Variants in RNF150 observed in about 807,000 individuals in gnomAD.
RNF150 encodes the protein ring finger protein 150.
A neutral mutation model predicts 39.3 loss-of-function variants in RNF150; 24 were observed. The ratio of observed to expected loss-of-function variants is 0.61; its 90% confidence interval spans 0.44 to 0.86. The LOEUF (loss-of-function observed/expected upper bound fraction) is 0.86, where lower values mean the gene tolerates loss of function less well. Among genes scored for constraint, RNF150 ranks in the 40% least tolerant of loss-of-function variants. The pLI is 0.00. For missense variants in RNF150, 502 were observed against 587.8 expected (o/e 0.85, Z 1.51); for synonymous variants, 255 against 227.3 (o/e 1.12, Z -1.10).
At chr4:141,050,121 AAG>A (rs1401806648) in intron 1 of RNF150, among the ~76,000 whole-genome samples, 1 of 152,090 alleles carries the variant, frequency 6.6e-6, no homozygotes, top group African/African-American at 2.4e-5. Context: ...AAGTATATAT[AAG>A]TATATGTACA....
chr4:140,965,807 T>C (rs896307400), intron 2 of RNF150, among the ~76,000 whole-genome samples: 27 of 152,156 alleles, frequency 1.8e-4, no homozygotes, highest in Non-Finnish European at 2.9e-4. Context: ...AGTAGCAGAA[T>C]GTATCATGAG....
chr4:141,018,989 T>C (rs1578637427), intron 1 of RNF150, among the ~76,000 whole-genome samples: 4 of 149,422 alleles, frequency 2.7e-5, no homozygotes, highest in Non-Finnish European at 4.4e-5. Flanking sequence ...TATTAATCTA[T>C]AGAGTTACAG....
intron 1 of RNF150, among the ~76,000 whole-genome samples, chr4:141,175,708 G>C (rs536063114): frequency 1.1e-4 from 16 of 152,166 alleles, no homozygotes; most frequent in African/African-American, 3.9e-4. Context: ...CTATAACTGC[G>C]TAGCTTATAA....
chr4:141,170,344 T>G (rs1447335411), intron 1 of RNF150, among the ~76,000 whole-genome samples: 2 of 152,196 alleles, frequency 1.3e-5, no homozygotes, highest in African/African-American at 2.4e-5. Flanking sequence ...TTGGGGCACC[T>G]GTAGATGATT....
At chr4:140,988,167 G>C (rs1204196905) in intron 1 of RNF150, among the ~76,000 whole-genome samples, 2 of 152,172 alleles carry the variant, frequency 1.3e-5, no homozygotes, top group Non-Finnish European at 1.5e-5. Flanking sequence ...GTGTAAATTA[G>C]TTCAGCCACT....
chr4:140,906,808 G>A (rs1730394545), intron 6 of RNF150, among the ~76,000 whole-genome samples: 2 of 152,166 alleles, frequency 1.3e-5, no homozygotes, highest in Non-Finnish European at 2.9e-5. Flanking sequence ...CATGGGCCAA[G>A]AGTTGGTTCC....
chr4:141,185,104 A>G (rs1023396237), intron 1 of RNF150, among the ~76,000 whole-genome samples: 1 of 152,040 alleles, frequency 6.6e-6, no homozygotes, highest in Non-Finnish European at 1.5e-5. Context: ...CATTGAATCT[A>G]TAAATTACTT....
chr4:140,977,583 C>T (rs1426825802), intron 1 of RNF150, among the ~76,000 whole-genome samples: 1 of 152,120 alleles, frequency 6.6e-6, no homozygotes, highest in Non-Finnish European at 1.5e-5. Flanking sequence ...TTTGAATTTT[C>T]TGCACTTTAC....
chr4:140,913,545 C>A (rs938756967), intron 5 of RNF150, among the ~76,000 whole-genome samples: 5 of 152,184 alleles, frequency 3.3e-5, no homozygotes, highest in Non-Finnish European at 7.4e-5. Context: ...AATTCCTAAT[C>A]ACCCTTTAAT....
chr4:140,897,410 C>T (rs1730005754), intron 6 of RNF150, among the ~76,000 whole-genome samples: 1 of 152,060 alleles, frequency 6.6e-6, no homozygotes, highest in Admixed American at 6.6e-5. Flanking sequence ...CTCTGCCTAC[C>T]CCTAGAAACT....
chr4:140,919,265 A>G (rs1291313573), intron 5 of RNF150, among the ~76,000 whole-genome samples: 22 of 144,712 alleles, frequency 1.5e-4, no homozygotes, highest in African/African-American at 5.4e-4. Flanking sequence ...TGCAGATGAC[A>G]TGATTGTATA....
intron 1 of RNF150, among the ~76,000 whole-genome samples, chr4:141,171,722 A>G (rs1305141833): frequency 1.3e-5 from 2 of 152,258 alleles, no homozygotes; most frequent in Non-Finnish European, 2.9e-5. Flanking sequence ...ATGTACATAT[A>G]GCACAACTGA....
At chr4:140,997,235 A>G (rs1216718591) in intron 1 of RNF150, among the ~76,000 whole-genome samples, 1 of 152,226 alleles carries the variant, frequency 6.6e-6, no homozygotes, top group Non-Finnish European at 1.5e-5. Context: ...TAATCTAGAA[A>G]TAATAATCTA....
chr4:140,865,609 CTT>C lies in RNF150; in HGVS notation c.*2650_*2651del, dbSNP rs1482585740. 2 of 137,594 alleles carry C rather than the reference CTT, an allele frequency of 1.5e-5. No individual in the cohort carries two copies. Among genetic ancestry groups the C allele is most frequent in the African/African-American group, 5.4e-5 (2 of 36,740 alleles). 8.5% of individuals were successfully genotyped at this position (137,594 alleles called of 1,614,324 possible). A position where few individuals can be genotyped will look rare whatever the true frequency, so the allele number is the denominator to read the frequency against. On this transcript the variant is annotated 3_prime_UTR_variant, in exon 7 of 7. Transcript: ENST00000515673. ...TACAGGAAAATCCTCCAGAAACAAACTTTGGTAAGTAGTGAATGGCAAAGGCT... is the reference window on the plus strand; with the variant it reads ...TACAGGAAAATCCTCCAGAAACAAACTGGTAAGTAGTGAATGGCAAAGGCT...
chr4:140,935,989 A>T (rs985498776), intron 4 of RNF150, among the ~76,000 whole-genome samples: 5 of 152,214 alleles, frequency 3.3e-5, no homozygotes, highest in Non-Finnish European at 5.9e-5. Flanking sequence ...ATCTGTCACC[A>T]TATATTAGTT....
chr4:141,118,380 A>G (rs1190794173), intron 1 of RNF150, among the ~76,000 whole-genome samples: 1 of 152,144 alleles, frequency 6.6e-6, no homozygotes, highest in Non-Finnish European at 1.5e-5. Context: ...ATAACTGCAA[A>G]CACTGTACCC....
At chr4:140,900,157 A>G (rs950678962) in intron 6 of RNF150, among the ~76,000 whole-genome samples, 1 of 152,200 alleles carries the variant, frequency 6.6e-6, no homozygotes, top group African/African-American at 2.4e-5. Flanking sequence ...TATAAACACA[A>G]AAAGATCATC....
At chr4:140,988,824 T>C (rs1734098938) in intron 1 of RNF150, among the ~76,000 whole-genome samples, 1 of 152,140 alleles carries the variant, frequency 6.6e-6, no homozygotes, top group Admixed American at 6.5e-5. Flanking sequence ...TATGCAGCCA[T>C]AAAAAATGAT....
At chr4:140,935,390 T>C (rs1271925174) in intron 4 of RNF150, among the ~76,000 whole-genome samples, 1 of 151,980 alleles carries the variant, frequency 6.6e-6, no homozygotes, top group African/African-American at 2.4e-5. Flanking sequence ...ATTATATCGT[T>C]TGGCTGGGGC....
Sources: allele counts gnomAD v4.1 joint callset (sites outside exome capture counted in the v4.1 genomes callset), GRCh38; gene constraint gnomAD v4.1.1; transcripts MANE v1.5; gene names NCBI Gene and HGNC (gene_info 2026-07-23, HGNC 2026-07-21).